Variants in MGAT5 observed in about 807,000 individuals in gnomAD.
MGAT5 encodes the protein alpha-1,6-mannosylglycoprotein 6-beta-N-acetylglucosaminyltransferase, also known as alpha-1,6-mannosylglycoprotein 6-beta-N-acetylglucosaminyltransferase A.
In MGAT5, 30 loss-of-function variants were observed where a neutral mutation model predicts 94.3. The ratio of observed to expected loss-of-function variants is 0.32; its 90% CI spans 0.24 to 0.43. The LOEUF is 0.43. MGAT5 is among the 20% of genes least tolerant of loss of function. The pLI is 1.00. For synonymous variants in MGAT5, 310 were observed against 322.9 expected (o/e 0.96, Z 0.43); for missense variants, 691 against 905.5 (o/e 0.76, Z 3.04).
chr2:134,353,188 GT>G (rs1289923825), intron 9 of MGAT5, among the ~76,000 whole-genome samples: 1 of 151,998 alleles, frequency 6.6e-6, no homozygotes, highest in African/African-American at 2.4e-5. Flanking sequence ...AGTGTTATTT[GT>G]TTTTTACCAC....
intron 2 of MGAT5, among the ~76,000 whole-genome samples, chr2:134,282,898 C>CGA (rs1684781565): frequency 6.6e-6 from 1 of 151,894 alleles, no homozygotes. Flanking sequence ...GTCTGTACAA[C>CGA]AGCCCAGGGC....
chr2:134,126,522 A>G (rs1685846297), intron 1 of MGAT5, among the ~76,000 whole-genome samples: 1 of 152,270 alleles, frequency 6.6e-6, no homozygotes, highest in Admixed American at 6.5e-5. Flanking sequence ...TGCCCTGGCC[A>G]GTAGACTCTC....
chr2:134,312,166 C>T (rs1209181879), intron 2 of MGAT5, among the ~76,000 whole-genome samples: 1 of 152,188 alleles, frequency 6.6e-6, no homozygotes, highest in Non-Finnish European at 1.5e-5. Context: ...AGGAGAATTG[C>T]TTGAACCTGG....
intron 6 of MGAT5, among the ~76,000 whole-genome samples, chr2:134,341,334 C>T (rs1688620583): frequency 6.6e-6 from 1 of 152,158 alleles, no homozygotes; most frequent in Admixed American, 6.5e-5. Flanking sequence ...ATACACTGTG[C>T]TTTTAAAAGG....
chr2:134,308,815 G>A (rs941927228), intron 2 of MGAT5, among the ~76,000 whole-genome samples: 1 of 152,134 alleles, frequency 6.6e-6, no homozygotes, highest in African/African-American at 2.4e-5. Context: ...TGGGAGGATG[G>A]CTTGAGCTCA....
intron 1 of MGAT5, among the ~76,000 whole-genome samples, chr2:134,242,895 C>T (rs1682044833): frequency 6.6e-6 from 1 of 152,078 alleles, no homozygotes; most frequent in Non-Finnish European, 1.5e-5. Flanking sequence ...TCTAACAAGG[C>T]TCTGTGGTAG....
At chr2:134,342,037 A>G (rs1449068916) in intron 7 of MGAT5, among the ~76,000 whole-genome samples, 2 of 152,198 alleles carry the variant, frequency 1.3e-5, no homozygotes, top group Non-Finnish European at 2.9e-5. Context: ...GGTGCTTCCA[A>G]CATCTGGAGC....
intron 1 of MGAT5, among the ~76,000 whole-genome samples, chr2:134,120,769 C>G (rs1326700845): frequency 2.0e-5 from 3 of 151,750 alleles, no homozygotes; most frequent in Non-Finnish European, 4.4e-5. Flanking sequence ...TGGGCGGGCT[C>G]GGCCAGGGGC....
At chr2:134,386,641 TAA>T (rs1024101464) in intron 10 of MGAT5, among the ~76,000 whole-genome samples, 2 of 152,152 alleles carry the variant, frequency 1.3e-5, no homozygotes, top group African/African-American at 4.8e-5. Context: ...AAGTGAAGGA[TAA>T]AAGAGTGTGT....
rs78080848 is a variant in MGAT5 at position 134,168,504 on chromosome 2, G to A, written c.-143+48213G>A. On this transcript the variant is annotated intron_variant, in intron 1 of 16. Coordinates refer to the MGAT5 transcript ENST00000409645. ...AGGTTACCATTTAATATGTTCTGGC[G>A]TCAAAGACCAACCTAGATCTATGAA... Among the ~76,000 whole-genome samples, 1,155 of 152,254 alleles carry A rather than the reference G, an allele frequency of 7.6e-3. 18 individuals are homozygous for A. The highest frequency in any genetic ancestry group is 0.026 in the African/African-American group (1,094 of 41,544).
intron 4 of MGAT5, among the ~76,000 whole-genome samples, chr2:134,326,052 C>CTCTCT (rs575100363): frequency 0.051 from 6,975 of 135,664 alleles, 545 homozygotes; most frequent in East Asian, 0.25. Context: ...CTCTCTCTCT[C>CTCTCT]TTTTTTTTTT....
intron 1 of MGAT5, among the ~76,000 whole-genome samples, chr2:134,181,171 C>T (rs1174628512): frequency 6.6e-6 from 1 of 152,140 alleles, no homozygotes; most frequent in East Asian, 1.9e-4. Flanking sequence ...TTTTGTTCTC[C>T]ATGGTCATTT....
chr2:134,140,024 C>A (rs1196391071), intron 1 of MGAT5, among the ~76,000 whole-genome samples: 1 of 152,212 alleles, frequency 6.6e-6, no homozygotes, highest in Non-Finnish European at 1.5e-5. Flanking sequence ...GTGAAACTTG[C>A]TGGTGATGAA....
At chr2:134,375,059 C>G (rs554729172) in intron 10 of MGAT5, among the ~76,000 whole-genome samples, 75 of 152,274 alleles carry the variant, frequency 4.9e-4, no homozygotes, top group African/African-American at 1.7e-3. Flanking sequence ...TGCTGGCCAG[C>G]CTTTGATTCT....
intron 1 of MGAT5, among the ~76,000 whole-genome samples, chr2:134,191,349 G>T (rs1689365660): frequency 6.6e-6 from 1 of 152,258 alleles, no homozygotes; most frequent in African/African-American, 2.4e-5. Flanking sequence ...AGGTGATTAA[G>T]TCATGCAGAC....
At chr2:134,178,929 A>C (rs1246994353) in intron 1 of MGAT5, among the ~76,000 whole-genome samples, 1 of 152,222 alleles carries the variant, frequency 6.6e-6, no homozygotes, top group Admixed American at 6.5e-5. Flanking sequence ...AGGCAGGTAT[A>C]GTCCATCTTC....
At chr2:134,403,715 G>A (rs1683186078) in intron 11 of MGAT5, among the ~76,000 whole-genome samples, 1 of 152,234 alleles carries the variant, frequency 6.6e-6, no homozygotes, top group Admixed American at 6.5e-5. Flanking sequence ...TTAGAGTCAG[G>A]TGGTGGAGGT....
At chr2:134,390,471 T>C (rs1360951380) in intron 10 of MGAT5, among the ~76,000 whole-genome samples, 1 of 152,256 alleles carries the variant, frequency 6.6e-6, no homozygotes, top group Non-Finnish European at 1.5e-5. Context: ...GTCATTTACA[T>C]TAGGTATATC....
chr2:134,431,719 A>G (rs1684887602), intron 14 of MGAT5, among the ~76,000 whole-genome samples: 1 of 152,214 alleles, frequency 6.6e-6, no homozygotes, highest in Non-Finnish European at 1.5e-5. Flanking sequence ...CAAGGAGAAC[A>G]CAGAAGCTTT....
Sources: gnomAD v4.1 joint callset for allele counts (sites outside exome capture counted in the v4.1 genomes callset) on GRCh38, gnomAD v4.1.1 for gene constraint, MANE v1.5 for transcripts, NCBI Gene and HGNC (gene_info 2026-07-23, HGNC 2026-07-21) for gene names.